TP53BP1: variants seen among roughly 807,000 people sequenced by gnomAD.
TP53BP1 encodes TP53-binding protein 1.
TP53BP1 carries 61 observed loss-of-function variants against 200.8 expected under a neutral mutation model. The ratio of observed to expected loss-of-function variants is 0.30; its 90% CI spans 0.25 to 0.38. The LOEUF is 0.38. TP53BP1 is among the 10% of genes least tolerant of loss of function. The pLI is 1.00. For missense variants in TP53BP1, 2,144 were observed against 2,371.9 expected (o/e 0.90, Z 2.00); for synonymous variants, 822 against 844.3 (o/e 0.97, Z 0.46).
chr15:43,480,837 C>T (rs1435615965), intron 5 of TP53BP1, 58 bp downstream of exon 5: 5 of 1,589,076 alleles, frequency 3.1e-6, no homozygotes, highest in Non-Finnish European at 3.4e-6. Flanking sequence ...GACATCTGCA[C>T]AATCATGTTA....
chr15:43,428,260 G>C, intron 17 of TP53BP1, 92 bp from the exon 18 acceptor site: 1 of 1,127,910 alleles, frequency 8.9e-7, no homozygotes, highest in Admixed American at 2.0e-5. Flanking sequence ...CTGTTTAGAG[G>C]CTCCATGAAT....
Position 43,493,133 on chromosome 15 carries a change from A to ACCG in TP53BP1, c.-93_-91dup, listed in dbSNP as rs2079153513. ...CGATCCCTAGGTCGCCGCTGTCGCC[A>ACCG]CCGCCGCCACCGGCCGCGAACTCCC... On this transcript the variant is annotated 5_prime_UTR_variant, in exon 1 of 28. Transcript: ENST00000382044. 8.2e-6 allele frequency: 13 copies of ACCG among 1,580,956 alleles called. No individual in the cohort carries two copies. The highest frequency in any genetic ancestry group is 1.0e-5 in the Non-Finnish European group (12 of 1,168,698).
In TP53BP1 at chr15:43,455,969, A is replaced by T; in HGVS notation, c.2639T>A (p.Leu880Gln). 1 of 1,614,208 alleles carries T rather than the reference A, an allele frequency of 6.2e-7. No individual in the cohort carries two copies. Among genetic ancestry groups the T allele is most frequent in the Non-Finnish European group, 8.5e-7 (1 of 1,180,038 alleles). ...CTTCTGGGCCTCTGCATCTGAGCTT[A>T]GCTGCTTTGCATTAGCCATTTTTGA... ...EDSKMANAKQ[L>Q]SSDAEAQKLG... The change falls in exon 12 of 28, where the codon CTA becomes CAA. Residue 880 changes from leucine (L) to glutamine (Q), a missense_variant. Leu to Gln is a moderately radical substitution (Grantham distance 113, BLOSUM62 -2). Coordinates refer to ENST00000382044, the MANE Select transcript of TP53BP1 (RefSeq NM_001141980.3).
intron 4 of TP53BP1, among the ~76,000 whole-genome samples, chr15:43,490,767 T>C (rs537848793): frequency 1.3e-5 from 2 of 152,320 alleles, no homozygotes; most frequent in African/African-American, 2.4e-5. Context: ...CAATGTACTC[T>C]AAAGCAAGTT....
In TP53BP1 at chr15:43,442,457, T is replaced by C. The variant is rs147775195; in HGVS notation, c.3041-874A>G. 2.0e-4 allele frequency among the ~76,000 whole-genome samples: 30 copies of C among 151,910 alleles called. 1 individual carries two copies. The East Asian group carries it at 5.6e-3, about 28-fold the overall frequency. ...AATCAATTTTCTTTCAAACTTCCTA[T>C]AAAAGACTAATAAGATTGGCAAGAA... On this transcript the variant is annotated intron_variant, in intron 14 of 27. Coordinates refer to ENST00000382044, the MANE Select transcript of TP53BP1 (RefSeq NM_001141980.3).
chr15:43,463,300 G>A (rs1438878049), intron 11 of TP53BP1, among the ~76,000 whole-genome samples: 1 of 151,940 alleles, frequency 6.6e-6, no homozygotes, highest in Non-Finnish European at 1.5e-5. Flanking sequence ...AAGTTTATTA[G>A]GAAAGAAAGA....
In TP53BP1 at chr15:43,446,405, A is replaced by T. The variant is rs1279942015; in HGVS notation, c.3022T>A (p.Leu1008Met). Residue 1008 changes from leucine to methionine, a missense_variant, in exon 14 of 28, where the codon TTG becomes ATG. Physicochemically the swap from Leu to Met is conservative, Grantham distance 15. Around this residue, in one of 4 missense-constraint regions of TP53BP1, gnomAD observed 1,700 missense variants for 1,710.3 expected, o/e 0.99. Transcript: ENST00000382044. ...AACTTACTTTCCAGGTTGAACTGCA[A>T]AGACTCTTCACTCGCCTCAGTCTCA... ...SPETEASEES[L>M]QFNLEKPATG... 1.2e-6 allele frequency: 2 copies of T among 1,614,044 alleles called. No individual in the cohort carries two copies.
chr15:43,417,204 A>G (rs1358610071), intron 21 of TP53BP1: 1 of 151,534 alleles, frequency 6.6e-6, no homozygotes, highest in Non-Finnish European at 1.5e-5. Flanking sequence ...CCACCCCCAC[A>G]CACATATACA....
At chr15:43,411,951 C>G (rs1050671550) in intron 24 of TP53BP1, among the ~76,000 whole-genome samples, 2 of 152,166 alleles carry the variant, frequency 1.3e-5, no homozygotes, top group African/African-American at 4.8e-5. Context: ...TGACCATGAC[C>G]ACTGTTTTAA....
At position 43,405,092 on chromosome 15, in the gene TP53BP1, TCA is replaced by T; in HGVS notation, c.*2289_*2290del. 2 of 1,291,684 alleles carry T rather than the reference TCA, an allele frequency of 1.5e-6. No individual in the cohort carries two copies. Among genetic ancestry groups the T allele is most frequent in the Non-Finnish European group, 2.2e-6 (2 of 910,142 alleles). 80.0% of individuals were successfully genotyped at this position (1,291,684 alleles called of 1,614,324 possible). On this transcript the variant is annotated 3_prime_UTR_variant, in exon 28 of 28. Coordinates refer to ENST00000382044, the MANE Select transcript of TP53BP1 (RefSeq NM_001141980.3). ...TAGCAGAAGAGTCAAAAGAAACTCTTCAGTTTTAAGATGACATTATTTAGATC... is the reference window on the plus strand; with the variant it reads ...TAGCAGAAGAGTCAAAAGAAACTCTTGTTTTAAGATGACATTATTTAGATC...
intron 5 of TP53BP1, among the ~76,000 whole-genome samples, 181 bp from the exon 6 acceptor site, chr15:43,480,198 C>T (rs965741101): frequency 1.2e-4 from 19 of 152,290 alleles, no homozygotes; most frequent in Admixed American, 4.6e-4. Flanking sequence ...CCTATAATCC[C>T]GGCATTTGGG....
chr15:43,493,061 C>T lies in TP53BP1; in HGVS notation c.-18G>A, dbSNP rs547499055. The T allele has an allele frequency of 1.2e-6, 2 of 1,613,066 alleles. No homozygotes were observed. Among genetic ancestry groups the T allele is most frequent in the East Asian group, 2.2e-5 (1 of 44,848 alleles). ...CCAGGCATCCCGGCGGGAGGTCCCT[C>T]GCGCTCGAGCTAGAGGTCTCTGCAC... On this transcript the variant is annotated 5_prime_UTR_variant, in exon 1 of 28. Coordinates refer to ENST00000382044, the MANE Select transcript of TP53BP1 (RefSeq NM_001141980.3).
chr15:43,409,677 G>A lies in TP53BP1; in HGVS notation c.5370C>T (p.Gly1790=), dbSNP rs1372632691. ...YTESQLRAGA[G]YILEDFNEAQ... The stretch of plus-strand genomic sequence containing the variant: ...CTTCATTGAAATCTTCAAGGATATA[G>A]CCAGCTCCTGCTCGAAGCTGGGATT... Residue 1790 remains glycine (G), a synonymous_variant, in exon 25 of 28, where the codon GGC becomes GGT. Coordinates refer to ENST00000382044, the MANE Select transcript of TP53BP1 (RefSeq NM_001141980.3). 6.3e-7 allele frequency: 1 copy of A among 1,574,996 alleles called. No individual in the cohort carries two copies. Among genetic ancestry groups the A allele is most frequent in the Non-Finnish European group, 8.6e-7 (1 of 1,162,630 alleles).
At chr15:43,442,803 A>G (rs2045958262) in intron 14 of TP53BP1, among the ~76,000 whole-genome samples, 1 of 139,514 alleles carries the variant, frequency 7.2e-6, no homozygotes, top group Non-Finnish European at 1.5e-5. Flanking sequence ...CCTAGCCCTT[A>G]GCAGTAATAT....
Position 43,408,099 on chromosome 15 carries a change from G to A in TP53BP1, c.5601-11C>T. On this transcript the variant is annotated splice_polypyrimidine_tract_variant and intron_variant, in intron 26 of 27. Transcript: ENST00000382044. ...TTTTCACGGGGTTGCCTATGAAGGA[G>A]ACAGGAAAGGACCTTAGCATGACAA... The A allele has an allele frequency of 1.2e-6, 2 of 1,612,780 alleles. No homozygotes were observed. Among genetic ancestry groups the A allele is most frequent in the Non-Finnish European group, 1.7e-6 (2 of 1,179,440 alleles).
chr15:43,502,616 TA>T (rs2079215230), intron 1 of TP53BP1, among the ~76,000 whole-genome samples: 2 of 141,944 alleles, frequency 1.4e-5, no homozygotes, highest in Non-Finnish European at 3.2e-5. Context: ...CACCACGACC[TA>T]TTTTTTTTTT....
At chr15:43,503,125 G>A (rs968554096) in intron 1 of TP53BP1, among the ~76,000 whole-genome samples, 1 of 152,222 alleles carries the variant, frequency 6.6e-6, no homozygotes, top group Non-Finnish European at 1.5e-5. Flanking sequence ...TAAGTGTAGA[G>A]TTTGATGAGT....
chr15:43,437,442 G>A (rs1223307870), intron 16 of TP53BP1, among the ~76,000 whole-genome samples: 1 of 152,092 alleles, frequency 6.6e-6, no homozygotes, highest in East Asian at 1.9e-4. Flanking sequence ...AAACCAGACT[G>A]GACAACACAG....
At chr15:43,450,982 C>T (rs1213818299) in intron 12 of TP53BP1, among the ~76,000 whole-genome samples, 1 of 152,162 alleles carries the variant, frequency 6.6e-6, no homozygotes, top group East Asian at 1.9e-4. Flanking sequence ...TCAAGTGATT[C>T]TCAAGCCTCA....
Sources: gnomAD v4.1 joint callset for allele counts (sites outside exome capture counted in the v4.1 genomes callset) on GRCh38, gnomAD v4.1.1 for gene constraint, gnomAD v4.1.1 regional missense constraint, MANE v1.5 for transcripts, NCBI Gene and HGNC (gene_info 2026-07-23, HGNC 2026-07-21) for gene names.